MGLL: variants seen among roughly 807,000 people sequenced by gnomAD.
MGLL encodes the protein lysophospholipase homolog.
A neutral mutation model predicts 29.1 loss-of-function variants in MGLL; 7 were observed. That is an observed-to-expected ratio of 0.24 (90% CI 0.14 to 0.45). The LOEUF (loss-of-function observed/expected upper bound fraction) is 0.45, where lower values mean the gene tolerates loss of function less well. Among genes scored for constraint, MGLL ranks in the 20% least tolerant of loss-of-function variants. The pLI is 0.99. For synonymous variants in MGLL, 148 were observed against 168.3 expected, an observed-to-expected ratio of 0.88 and a Z score of 0.93; for missense variants, 356 against 413.6, an observed-to-expected ratio of 0.86 and a Z score of 1.21.
At chr3:127,727,554 A>G (rs2076068170) in intron 3 of MGLL, among the ~76,000 whole-genome samples, 1 of 152,096 alleles carries the variant, frequency 6.6e-6, no homozygotes, top group Non-Finnish European at 1.5e-5. Context: ...TCTACAAAAA[A>G]TACAAAAATT....
At chr3:127,726,836 C>T (rs2076055714) in intron 3 of MGLL, among the ~76,000 whole-genome samples, 1 of 152,194 alleles carries the variant, frequency 6.6e-6, no homozygotes, top group Admixed American at 6.6e-5. Flanking sequence ...ACACTTCACC[C>T]TAAACACTTC....
intron 3 of MGLL, among the ~76,000 whole-genome samples, chr3:127,740,970 C>T (rs1396829809): frequency 5.3e-5 from 8 of 152,274 alleles, no homozygotes; most frequent in African/African-American, 1.9e-4. Context: ...CAATGCCTGG[C>T]CCCAGCCAGC....
At chr3:127,751,617 C>T (rs2076560171) in intron 3 of MGLL, among the ~76,000 whole-genome samples, 1 of 152,014 alleles carries the variant, frequency 6.6e-6, no homozygotes, top group Non-Finnish European at 1.5e-5. Context: ...CAGACGCATG[C>T]ACTGGCTTGA....
chr3:127,747,486 T>A (rs535493293), intron 3 of MGLL, among the ~76,000 whole-genome samples: 1 of 152,110 alleles, frequency 6.6e-6, no homozygotes, highest in Admixed American at 6.5e-5. Context: ...TGTCTTTGTA[T>A]CTCCAGCACC....
chr3:127,711,407 C>G (rs2075710253), intron 5 of MGLL: 1 of 152,516 alleles, frequency 6.6e-6, no homozygotes, highest in Non-Finnish European at 1.5e-5. Flanking sequence ...GAGGCCCAAA[C>G]CTTCCCACCC....
At chr3:127,725,349 T>C (rs1036866636) in intron 3 of MGLL, among the ~76,000 whole-genome samples, 1 of 152,252 alleles carries the variant, frequency 6.6e-6, no homozygotes. Flanking sequence ...AAAAGACATT[T>C]GATTCACATG....
intron 7 of MGLL, among the ~76,000 whole-genome samples, chr3:127,693,192 C>T (rs2075280483): frequency 6.6e-6 from 1 of 152,192 alleles, no homozygotes; most frequent in Non-Finnish European, 1.5e-5. Flanking sequence ...TCATTACAGC[C>T]TCCTCATTAC....
rs1413065516 is a variant in MGLL at position 127,779,223 on chromosome 3, C to T, written c.262+2566G>A. Among the ~76,000 whole-genome samples, 8 of 151,994 alleles carry T rather than the reference C, an allele frequency of 5.3e-5. No individual in the cohort carries two copies. The South Asian group carries it at 1.0e-3, about 20-fold the overall frequency. ...CTCTACCAAAAATACAAAAATTAGC[C>T]GGGCATAGTGGCAGGCGCCTGTAGT... On this transcript the variant is annotated intron_variant, in intron 3 of 7. Coordinates refer to ENST00000265052, the MANE Select transcript of MGLL (RefSeq NM_007283.7).
intron 3 of MGLL, among the ~76,000 whole-genome samples, chr3:127,739,432 G>T (rs1402947942): frequency 2.0e-5 from 3 of 152,318 alleles, no homozygotes; most frequent in Non-Finnish European, 4.4e-5. Context: ...CTGCCAACCA[G>T]AAATAATTAA....
chr3:127,764,893 A>G (rs1017952868), intron 3 of MGLL, among the ~76,000 whole-genome samples: 2 of 152,112 alleles, frequency 1.3e-5, no homozygotes, highest in Non-Finnish European at 2.9e-5. Flanking sequence ...TAATCCCCCT[A>G]CTGACCCTAT....
chr3:127,809,455 G>A lies in MGLL; in HGVS notation c.155+12239C>T, dbSNP rs151304062. On this transcript the variant is annotated intron_variant, in intron 2 of 7. Coordinates refer to ENST00000265052, the MANE Select transcript of MGLL (RefSeq NM_007283.7). ...TGCCTGGGCAACATAGTGAGATCCT[G>A]TGTCTGCAAAAAATTTAAAAATTGT... Among the ~76,000 whole-genome samples the A allele has an allele frequency of 4.4e-4, 67 of 152,184 alleles. No homozygotes were observed. The East Asian group carries it at 8.1e-3, about 18-fold the overall frequency.
chr3:127,805,048 G>A (rs1034261125), intron 2 of MGLL, among the ~76,000 whole-genome samples: 31 of 152,234 alleles, frequency 2.0e-4, no homozygotes, highest in African/African-American at 6.3e-4. Flanking sequence ...GGCAGCTGCC[G>A]TGTGATTGTG....
At chr3:127,769,736 C>T (rs1453280514) in intron 3 of MGLL, among the ~76,000 whole-genome samples, 1 of 152,232 alleles carries the variant, frequency 6.6e-6, no homozygotes, top group Non-Finnish European at 1.5e-5. Context: ...CCCCAGTGCC[C>T]AGACAGTGCA....
At chr3:127,745,742 T>C (rs1258222258) in intron 3 of MGLL, among the ~76,000 whole-genome samples, 3 of 152,148 alleles carry the variant, frequency 2.0e-5, no homozygotes, top group Non-Finnish European at 2.9e-5. Context: ...CCTGGTGCAG[T>C]GTCCATCCAT....
intron 3 of MGLL, among the ~76,000 whole-genome samples, chr3:127,729,718 A>T (rs1424161689): frequency 6.6e-6 from 1 of 152,080 alleles, no homozygotes; most frequent in Non-Finnish European, 1.5e-5. Context: ...CTATTTCTGG[A>T]TTTCTGCTCA....
chr3:127,759,021 C>T (rs1277399939), intron 3 of MGLL, among the ~76,000 whole-genome samples: 1 of 149,056 alleles, frequency 6.7e-6, no homozygotes, highest in African/African-American at 2.5e-5. Context: ...CTCCCAGGTT[C>T]AAGTGATTCT....
At chr3:127,722,041 T>C (rs568385578) in intron 4 of MGLL, among the ~76,000 whole-genome samples, 32 of 152,356 alleles carry the variant, frequency 2.1e-4, no homozygotes, top group Non-Finnish European at 3.5e-4. Flanking sequence ...TAGTTAACAT[T>C]TGTCATCTGA....
intron 2 of MGLL, among the ~76,000 whole-genome samples, chr3:127,786,055 G>A (rs1283512519): frequency 1.3e-5 from 2 of 152,198 alleles, no homozygotes; most frequent in African/African-American, 2.4e-5. Context: ...AGTCCAGAGC[G>A]CCATGTGGAG....
intron 3 of MGLL, among the ~76,000 whole-genome samples, chr3:127,765,908 C>CTGTG (rs2076847260): frequency 6.6e-6 from 1 of 152,156 alleles, no homozygotes; most frequent in African/African-American, 2.4e-5. Flanking sequence ...GAGCAGGGGT[C>CTGTG]TGTGTGTTGG....
Sources: gnomAD v4.1 joint callset for allele counts (sites outside exome capture counted in the v4.1 genomes callset) on GRCh38, gnomAD v4.1.1 for gene constraint, MANE v1.5 for transcripts, NCBI Gene and HGNC (gene_info 2026-07-23, HGNC 2026-07-21) for gene names.